Variants in SHISA6 observed in about 807,000 individuals in gnomAD.
SHISA6 encodes protein shisa-6.
SHISA6 carries 22 observed loss-of-function variants against 47.9 expected under a neutral mutation model. The ratio of observed to expected loss-of-function variants is 0.46; its 90% CI spans 0.33 to 0.66. SHISA6 has a LOEUF of 0.66. Ranked by LOEUF, SHISA6 falls within the 30% of genes least tolerant of loss-of-function variation. The probability of loss-of-function intolerance (pLI) is 0.02; values close to 1 mark genes in which losing one functional copy is unlikely to be tolerated. For synonymous variants in SHISA6, 388 were observed against 337.8 expected (o/e 1.15, Z -1.63); for missense variants, 680 against 764.6 (o/e 0.89, Z 1.30).
intron 2 of SHISA6, among the ~76,000 whole-genome samples, chr17:11,285,036 A>G (rs1190836255): frequency 6.6e-6 from 1 of 152,120 alleles, no homozygotes; most frequent in Non-Finnish European, 1.5e-5. Context: ...TTGCTAACAC[A>G]TGTGTCTTTT....
At chr17:11,361,831 A>T (rs1912297983) in intron 2 of SHISA6, among the ~76,000 whole-genome samples, 2 of 152,340 alleles carry the variant, frequency 1.3e-5, no homozygotes, top group South Asian at 4.1e-4. Context: ...GCTGCACAGT[A>T]AGTAGTATTA....
At chr17:11,279,362 TA>T (rs1909042871) in intron 2 of SHISA6, among the ~76,000 whole-genome samples, 1 of 152,082 alleles carries the variant, frequency 6.6e-6, no homozygotes, top group African/African-American at 2.4e-5. Context: ...ACAATAAACA[TA>T]AAGCAACAAA....
intron 3 of SHISA6, among the ~76,000 whole-genome samples, chr17:11,448,384 C>T (rs1449180032): frequency 3.4e-5 from 5 of 145,434 alleles, no homozygotes; most frequent in Admixed American, 2.7e-4. Flanking sequence ...AAAAATTAGC[C>T]GGGCGTGGTG....
intron 3 of SHISA6, among the ~76,000 whole-genome samples, chr17:11,490,982 C>G (rs560120881): frequency 8.9e-5 from 13 of 146,684 alleles, no homozygotes; most frequent in Non-Finnish European, 1.8e-4. Flanking sequence ...ATTCAGGGCT[C>G]TTGCCCAATC....
intron 1 of SHISA6, among the ~76,000 whole-genome samples, chr17:11,253,315 T>G (rs1907886234): frequency 6.6e-6 from 1 of 152,032 alleles, no homozygotes; most frequent in Non-Finnish European, 1.5e-5. Flanking sequence ...GGCAAAGTTT[T>G]TTTTTTTTTT....
At chr17:11,437,793 G>A (rs1225646198) in intron 3 of SHISA6, among the ~76,000 whole-genome samples, 3 of 152,154 alleles carry the variant, frequency 2.0e-5, no homozygotes, top group Admixed American at 6.5e-5. Flanking sequence ...AAAGGTTCTT[G>A]TAAGCAGATG....
At chr17:11,541,919 A>C (rs956505160) in intron 3 of SHISA6, among the ~76,000 whole-genome samples, 1 of 152,210 alleles carries the variant, frequency 6.6e-6, no homozygotes, top group Non-Finnish European at 1.5e-5. Context: ...AAGGTTGGCA[A>C]ATCCTTTCCT....
At position 11,557,745 on chromosome 17, in the gene SHISA6, C is replaced by A. The variant is rs547276176; in HGVS notation, c.1106-9C>A. On this transcript the variant is annotated splice_polypyrimidine_tract_variant and intron_variant, in intron 5 of 5. Transcript: ENST00000441885. ...AGTTGCCTTCTCTCACTCTGTCTCT[C>A]CCCTGCAGCCGACAAGGAGGCTGAC... is the stretch of plus-strand genomic sequence containing the variant. The A allele has an allele frequency of 5.2e-6, 8 of 1,530,372 alleles. No homozygotes were observed. The highest frequency in any genetic ancestry group is 5.0e-5 in the South Asian group (4 of 79,846). 94.8% of individuals were successfully genotyped at this position (1,530,372 alleles called of 1,614,324 possible).
At chr17:11,425,035 A>T (rs1914574353) in intron 3 of SHISA6, among the ~76,000 whole-genome samples, 1 of 151,526 alleles carries the variant, frequency 6.6e-6, no homozygotes, top group African/African-American at 2.4e-5. Context: ...AAAATGAGGA[A>T]ATAACAAAAT....
rs1567555578 is a variant in SHISA6, at chr17:11,269,047, TTG to T, written c.799+5523_799+5524del. Among the ~76,000 whole-genome samples the T allele has an allele frequency of 5.3e-3, 803 of 150,674 alleles. 3 individuals are homozygous for T. Among genetic ancestry groups the T allele is most frequent in the African/African-American group, 0.019 (760 of 40,384 alleles). ...GCCCAGTTTTTTTTGTTTGTCTGTTTTGTTTTTTTTTTTTAATGGAGTCTTGC... is the reference window on the plus strand; with the variant it reads ...GCCCAGTTTTTTTTGTTTGTCTGTTTTTTTTTTTTTTTAATGGAGTCTTGC... On this transcript the variant is annotated intron_variant, in intron 2 of 5. Transcript: ENST00000441885.
chr17:11,361,080 T>C (rs545688726), intron 2 of SHISA6, among the ~76,000 whole-genome samples: 2 of 151,904 alleles, frequency 1.3e-5, no homozygotes, highest in Non-Finnish European at 2.9e-5. Context: ...ATTTATCTAT[T>C]CTTATGTCAG....
At chr17:11,299,895 C>T (rs1471902721) in intron 2 of SHISA6, among the ~76,000 whole-genome samples, 1 of 152,088 alleles carries the variant, frequency 6.6e-6, no homozygotes, top group Admixed American at 6.5e-5. Flanking sequence ...TCTGTAATCT[C>T]AGCACTTTGG....
At chr17:11,543,021 C>T (rs1004321463) in intron 3 of SHISA6, among the ~76,000 whole-genome samples, 19 of 152,074 alleles carry the variant, frequency 1.2e-4, no homozygotes, top group African/African-American at 4.6e-4. Flanking sequence ...TGGGCTTCTA[C>T]CTAAGATCTC....
At chr17:11,412,604 C>T (rs920882297) in intron 3 of SHISA6, among the ~76,000 whole-genome samples, 8 of 151,580 alleles carry the variant, frequency 5.3e-5, no homozygotes, top group Admixed American at 2.0e-4. Flanking sequence ...TGCAGTGGCG[C>T]GATCTTGGCT....
intron 3 of SHISA6, among the ~76,000 whole-genome samples, chr17:11,453,593 A>G (rs888937637): frequency 6.6e-6 from 1 of 152,204 alleles, no homozygotes; most frequent in African/African-American, 2.4e-5. Flanking sequence ...TATCCACTCC[A>G]TTAGTTTTCA....
intron 2 of SHISA6, among the ~76,000 whole-genome samples, chr17:11,314,604 C>T (rs1188050793): frequency 2.7e-5 from 4 of 150,606 alleles, no homozygotes; most frequent in Non-Finnish European, 5.9e-5. Flanking sequence ...GGCACAGTCT[C>T]GGCTCACTGC....
chr17:11,557,908 C>T lies in SHISA6; in HGVS notation c.1260C>T (p.Asp420=). The stretch of plus-strand genomic sequence containing the variant: ...GGCCCATCCGGGCCATGTCCCAGGA[C>T]AGGGTCCTGTCCCCGGATCGGGGCC... ...PRRPIRAMSQ[D]RVLSPDRGLP... Residue 420 remains aspartate, a synonymous_variant, in exon 6 of 6, where the codon GAC becomes GAT. Transcript: ENST00000441885. The T allele has an allele frequency of 6.4e-7, 1 of 1,551,634 alleles. No homozygotes were observed. Among genetic ancestry groups the T allele is most frequent in the Non-Finnish European group, 8.7e-7 (1 of 1,147,010 alleles).
At chr17:11,493,187 T>C (rs150501442) in intron 3 of SHISA6, among the ~76,000 whole-genome samples, 82 of 152,296 alleles carry the variant, frequency 5.4e-4, no homozygotes, top group African/African-American at 1.9e-3. Context: ...CTTAGCCAAA[T>C]AGGACTCCTA....
At chr17:11,457,861 G>C (rs904684490) in intron 3 of SHISA6, among the ~76,000 whole-genome samples, 1 of 151,958 alleles carries the variant, frequency 6.6e-6, no homozygotes, top group African/African-American at 2.4e-5. Context: ...TGAGGCAGGT[G>C]GATCACGAGG....
Sources: gnomAD v4.1 joint callset for allele counts (sites outside exome capture counted in the v4.1 genomes callset) on GRCh38, gnomAD v4.1.1 for gene constraint, MANE v1.5 for transcripts, NCBI Gene and HGNC (gene_info 2026-07-23, HGNC 2026-07-21) for gene names.